The following CMYA5 variants were observed in gnomAD, a reference collection of about 807,000 sequenced individuals.
The protein encoded by CMYA5 is cardiomyopathy associated 5.
In CMYA5, 246 loss-of-function variants were observed where a neutral mutation model predicts 318.9. The observed-to-expected ratio is 0.77, with a 90% CI of 0.70 to 0.86. The LOEUF (loss-of-function observed/expected upper bound fraction) is 0.86. Among genes scored for constraint, CMYA5 ranks in the 40% least tolerant of loss-of-function variants. CMYA5 has a pLI of 0.00. For missense variants in CMYA5, 4,589 were observed against 4,678.2 expected, an observed-to-expected ratio of 0.98 and a Z score of 0.56; for synonymous variants, 1,641 against 1,729.5, an observed-to-expected ratio of 0.95 and a Z score of 1.27.
At chr5:79,712,114 C>G (rs1827403493) in intron 1 of CMYA5, among the ~76,000 whole-genome samples, 1 of 152,224 alleles carries the variant, frequency 6.6e-6, no homozygotes, top group Non-Finnish European at 1.5e-5. Flanking sequence ...AAGGGGTCCT[C>G]TCTCCTGAAA....
chr5:79,710,127 T>C (rs1827361668), intron 1 of CMYA5, among the ~76,000 whole-genome samples: 1 of 152,096 alleles, frequency 6.6e-6, no homozygotes, highest in African/African-American at 2.4e-5. Flanking sequence ...CAGAAGCAGA[T>C]GTGAGAATTC....
At chr5:79,799,154 G>C (rs1318019685) in intron 12 of CMYA5, among the ~76,000 whole-genome samples, 1 of 152,196 alleles carries the variant, frequency 6.6e-6, no homozygotes, top group Non-Finnish European at 1.5e-5. Flanking sequence ...CCTAATGTAG[G>C]AGGAGCAAAA....
chr5:79,735,712 A>T lies in CMYA5; in HGVS notation c.6947A>T (p.Glu2316Val), dbSNP rs774540731. ...VVTSADGENL[E>V]IQSYSLIGEK... ...ACTTCTGCTGATGGTGAGAACCTTG[A>T]AATTCAATCTTATTCACTAATCGGT... The change falls in exon 2 of 13, where the codon GAA becomes GTA. Residue 2316 changes from glutamate to valine, a missense_variant. Physicochemically the swap from Glu to Val is moderately radical, Grantham distance 121 (BLOSUM62 -2). Transcript: ENST00000446378. 5.6e-6 allele frequency: 9 copies of T among 1,599,938 alleles called. No homozygotes were observed. In the South Asian group the frequency reaches 1.0e-4, roughly 18 times the overall value.
At position 79,793,617 on chromosome 5, in the gene CMYA5, G is replaced by C; in HGVS notation, c.11963+7G>C. The C allele has an allele frequency of 1.3e-6, 2 of 1,586,454 alleles. No individual in the cohort carries two copies. The highest frequency in any genetic ancestry group is 1.7e-6 in the Non-Finnish European group (2 of 1,158,150). On this transcript the variant is annotated splice_region_variant and intron_variant, in intron 12 of 12. Transcript: ENST00000446378. ...ACTGCTCTGAGCCACAGAGGTAAGC[G>C]AGCCCTTCCCCTCCCCTCTTCATCA...
At chr5:79,777,754 G>C (rs565335677) in intron 9 of CMYA5, among the ~76,000 whole-genome samples, 8 of 151,930 alleles carry the variant, frequency 5.3e-5, no homozygotes, top group Non-Finnish European at 1.0e-4. Flanking sequence ...CAGCCCGGGA[G>C]ACAAGAGTGA....
intron 9 of CMYA5, among the ~76,000 whole-genome samples, chr5:79,786,204 A>G (rs1381795457): frequency 6.6e-6 from 1 of 152,188 alleles, no homozygotes; most frequent in Non-Finnish European, 1.5e-5. Context: ...CTTATCATCC[A>G]CCAGCAATCG....
chr5:79,692,141 C>G (rs1022913719), intron 1 of CMYA5, among the ~76,000 whole-genome samples: 10 of 152,058 alleles, frequency 6.6e-5, no homozygotes, highest in African/African-American at 2.4e-4. Flanking sequence ...AAGAGTTGTT[C>G]TATCAGTAAT....
In CMYA5 at chr5:79,737,823, A is replaced by C. The variant is rs1828114886; in HGVS notation, c.9058A>C (p.Lys3020Gln). The C allele has an allele frequency of 2.5e-6, 4 of 1,604,838 alleles. No homozygotes were observed. The highest frequency in any genetic ancestry group is 2.7e-5 in the African/African-American group (2 of 74,184). ...DEKVTPLKENKQKETHKTKEE... is the reference protein window; with the variant it reads ...DEKVTPLKENQQKETHKTKEE... ...AAAAGTTACCCCATTGAAAGAAAATAAACAAAAGGAAACTCATAAGACAAA... is the reference window on the plus strand; with the variant it reads ...AAAAGTTACCCCATTGAAAGAAAATCAACAAAAGGAAACTCATAAGACAAA... The change falls in exon 2 of 13, where the codon AAA becomes CAA. Residue 3020 changes from lysine (K) to glutamine (Q), a missense_variant. By Grantham distance (53) the Lys-to-Gln change is moderately conservative. This residue lies in a region of CMYA5 where 2,431 missense variants were observed against 2,495.1 expected (regional missense o/e 0.97). Transcript: ENST00000446378.
In CMYA5 at chr5:79,743,861, A is replaced by G. The variant is rs1397063147; in HGVS notation, c.10673A>G (p.Glu3558Gly). ...GCAGAATTTCTAGAAAATTTACAAG[A>G]AAAGTCCTTGAGGATTGAAGCCTTT... is the stretch of plus-strand genomic sequence containing the variant. ...QLAEFLENLQEKSLRIEAFVS... is the reference protein window; with the variant it reads ...QLAEFLENLQGKSLRIEAFVS... Residue 3558 changes from glutamate to glycine, a missense_variant, in exon 3 of 13, where the codon GAA becomes GGA. Around this residue, in one of 3 missense-constraint regions of CMYA5, gnomAD observed 2,431 missense variants for 2,495.1 expected, o/e 0.97. Coordinates refer to ENST00000446378, the MANE Select transcript of CMYA5 (RefSeq NM_153610.5). 35 of 1,549,184 alleles carry G rather than the reference A, an allele frequency of 2.3e-5. No individual in the cohort carries two copies. Among genetic ancestry groups the G allele is most frequent in the Non-Finnish European group, 3.1e-5 (35 of 1,144,698 alleles).
chr5:79,695,564 GATA>G (rs1827051086), intron 1 of CMYA5, among the ~76,000 whole-genome samples: 1 of 152,152 alleles, frequency 6.6e-6, no homozygotes, highest in African/African-American at 2.4e-5. Flanking sequence ...ATGCAGGTCT[GATA>G]ATACCTAGAA....
chr5:79,719,283 A>G (rs550953751), intron 1 of CMYA5, among the ~76,000 whole-genome samples: 2 of 152,342 alleles, frequency 1.3e-5, no homozygotes, highest in South Asian at 2.1e-4. Flanking sequence ...GAAATATTAT[A>G]AAACCACAAG....
chr5:79,766,786 C>A (rs559908702), intron 9 of CMYA5, among the ~76,000 whole-genome samples: 8 of 152,206 alleles, frequency 5.3e-5, no homozygotes, highest in Non-Finnish European at 1.2e-4. Flanking sequence ...TGTGTCTTTG[C>A]CAAGTTTTGG....
chr5:79,772,332 G>A lies in CMYA5; in HGVS notation c.11555+9123G>A, dbSNP rs536858226. On this transcript the variant is annotated intron_variant, in intron 9 of 12. Transcript: ENST00000446378. ...TTTGCTATTGAGTGGTTATAGTCCA[G>A]CAAATTTAGAAATAAAGGGAAGTTG... Among the ~76,000 whole-genome samples the A allele has an allele frequency of 3.9e-5, 6 of 152,294 alleles. No individual in the cohort carries two copies. The South Asian group carries it at 1.2e-3, about 32-fold the overall frequency.
intron 1 of CMYA5, among the ~76,000 whole-genome samples, chr5:79,728,164 C>G (rs1379650047): frequency 6.6e-6 from 1 of 152,228 alleles, no homozygotes; most frequent in East Asian, 1.9e-4. Flanking sequence ...ATTCAATGAC[C>G]TGTTTTCTCT....
In CMYA5 at chr5:79,736,034, T is replaced by G. The variant is rs1397685157; in HGVS notation, c.7269T>G (p.Asp2423Glu). 1.2e-6 allele frequency: 2 copies of G among 1,612,794 alleles called. No individual in the cohort carries two copies. The highest frequency in any genetic ancestry group is 2.7e-5 in the African/African-American group (2 of 74,862). Residue 2423 changes from aspartate (D) to glutamate (E), a missense_variant, in exon 2 of 13, where the codon GAT becomes GAG. Transcript: ENST00000446378. ...AAGAATCAAAAGGCAGTTTAATTGA[T>G]TTCAGTGAAGACAGACTCAAGAAAG... ...PVEESKGSLI[D>E]FSEDRLKKEM...
chr5:79,761,955 C>A lies in CMYA5; in HGVS notation c.11405C>A (p.Thr3802Lys). ...CCCAGTGAAAGGGCCATCTTTAGGACAGGTAAGGAGATGGATGCTAAGGGT... is the reference window on the plus strand; with the variant it reads ...CCCAGTGAAAGGGCCATCTTTAGGAAAGGTAAGGAGATGGATGCTAAGGGT... ...SLPSERAIFR[T>K]APSTPVIRAE... Residue 3802 changes from threonine (T) to lysine (K), a missense_variant and splice_region_variant, in exon 8 of 13, where the codon ACA (threonine) becomes AAA (lysine). Around this residue, in one of 3 missense-constraint regions of CMYA5, gnomAD observed 2,431 missense variants for 2,495.1 expected, o/e 0.97. Transcript: ENST00000446378. 2 of 1,612,282 alleles carry A rather than the reference C, an allele frequency of 1.2e-6. No homozygotes were observed. The highest frequency in any genetic ancestry group is 1.1e-5 in the South Asian group (1 of 90,596).
Position 79,729,583 on chromosome 5 carries a change from T to C in CMYA5, c.818T>C (p.Leu273Ser). The C allele has an allele frequency of 6.2e-7, 1 of 1,613,588 alleles. No homozygotes were observed. The highest frequency in any genetic ancestry group is 8.5e-7 in the Non-Finnish European group (1 of 1,179,506). Residue 273 changes from leucine (L) to serine (S), a missense_variant, in exon 2 of 13, where the codon TTG (leucine) becomes TCG (serine). Physicochemically the swap from Leu to Ser is moderately radical, Grantham distance 145. Transcript: ENST00000446378. ...KDASISLEPD[L>S]DNSGSNTVSK... is the part of the protein sequence containing the mutation. Reference sequence around the variant, plus strand: ...GCATCCATTAGTCTAGAGCCAGATTTGGACAATAGTGGTTCTAATACAGTG... The same window carrying C: ...GCATCCATTAGTCTAGAGCCAGATTCGGACAATAGTGGTTCTAATACAGTG...
At position 79,758,795 on chromosome 5, in the gene CMYA5, C is replaced by T. The variant is rs1327056862; in HGVS notation, c.11153C>T (p.Ala3718Val). Residue 3718 changes from alanine (A) to valine (V), a missense_variant, in exon 7 of 13, where the codon GCC becomes GTC. Physicochemically the swap from Ala to Val is moderately conservative, Grantham distance 64. Transcript: ENST00000446378. ...PRLEPQEPNS[A>V]TSTTIAVYWS... The stretch of plus-strand genomic sequence containing the variant: ...TTAGAACCTCAGGAACCAAATTCTG[C>T]CACCAGCACAACAATTGCAGTTTAC... 4 of 1,600,140 alleles carry T rather than the reference C, an allele frequency of 2.5e-6. No homozygotes were observed. Among genetic ancestry groups the T allele is most frequent in the Non-Finnish European group, 8.5e-7 (1 of 1,173,462 alleles).
rs554930438 is a variant in CMYA5, at chr5:79,793,935, A to T, written c.11963+325A>T. 1.2e-3 allele frequency among the ~76,000 whole-genome samples: 190 copies of T among 152,262 alleles called. 2 individuals carry two copies. The highest frequency in any genetic ancestry group is 2.0e-3 in the Non-Finnish European group (133 of 68,000). On this transcript the variant is annotated intron_variant, in intron 12 of 12. Coordinates refer to ENST00000446378, the MANE Select transcript of CMYA5 (RefSeq NM_153610.5). ...TTGGTGCCTGGAGAAGCAGAGAAGG[A>T]TGTATGTCTCCCTGGTAGCTAGTGG... is the stretch of plus-strand genomic sequence containing the variant.
Sources: allele counts gnomAD v4.1 joint callset (sites outside exome capture counted in the v4.1 genomes callset), GRCh38; gene constraint gnomAD v4.1.1; regional missense constraint gnomAD v4.1.1; transcripts MANE v1.5; gene names NCBI Gene and HGNC (gene_info 2026-07-23, HGNC 2026-07-21).